DCBLD2: variants seen among roughly 807,000 people sequenced by gnomAD.
The protein encoded by DCBLD2 is discoidin, CUB and LCCL domain-containing protein 2.
DCBLD2 carries 54 observed loss-of-function variants against 86.8 expected under a neutral mutation model. The observed-to-expected ratio is 0.62, with a 90% CI of 0.50 to 0.78. The LOEUF (loss-of-function observed/expected upper bound fraction) is 0.78. DCBLD2 is among the 30% of genes least tolerant of loss of function. The pLI, the probability that DCBLD2 is intolerant of heterozygous loss-of-function variation, is 0.00. For synonymous variants in DCBLD2, 354 were observed against 341.3 expected (o/e 1.04, Z -0.41); for missense variants, 908 against 954.2 (o/e 0.95, Z 0.64).
chr3:98,860,902 A>G (rs941663624), intron 2 of DCBLD2, among the ~76,000 whole-genome samples: 1 of 152,218 alleles, frequency 6.6e-6, no homozygotes, highest in Non-Finnish European at 1.5e-5. Context: ...AATGGGCTAA[A>G]TGCTCCAATT....
intron 2 of DCBLD2, among the ~76,000 whole-genome samples, chr3:98,854,984 A>C (rs1160269741): frequency 6.6e-6 from 1 of 152,180 alleles, no homozygotes; most frequent in Non-Finnish European, 1.5e-5. Context: ...ACTAACCATA[A>C]AATAATTAGT....
At chr3:98,824,331 C>T (rs553207811) in intron 4 of DCBLD2, among the ~76,000 whole-genome samples, 8 of 152,016 alleles carry the variant, frequency 5.3e-5, no homozygotes, top group South Asian at 4.2e-4. Context: ...ACAGCAGCCC[C>T]GGACAGGGAT....
chr3:98,812,183 AT>A (rs59193460), intron 10 of DCBLD2, 148 bp downstream of exon 10: 279 of 1,116,826 alleles, frequency 2.5e-4, no homozygotes, highest in South Asian at 3.4e-4. Flanking sequence ...TAGGGTAACC[AT>A]TTTTTTTAAC....
Position 98,886,800 on chromosome 3 carries a change from ACCCCC to A in DCBLD2, c.206-5038_206-5034del, listed in dbSNP as rs56817910. ...CAAATTTTGATATTATTACAGGAAA[ACCCCC>A]CCCCTTTTTTTTTTTTTTTTACTAC... On this transcript the variant is annotated intron_variant, in intron 1 of 15. Coordinates refer to ENST00000326840, the MANE Select transcript of DCBLD2 (RefSeq NM_080927.4). 6.5e-5 allele frequency among the ~76,000 whole-genome samples: 8 copies of A among 123,712 alleles called. 1 individual carries two copies. The highest frequency in any genetic ancestry group is 5.7e-5 in the African/African-American group (2 of 34,964). 81.2% of individuals were successfully genotyped at this position (123,712 alleles called of 152,430 possible).
intron 3 of DCBLD2, among the ~76,000 whole-genome samples, chr3:98,849,000 T>C (rs1464208486): frequency 6.6e-6 from 1 of 151,964 alleles, no homozygotes; most frequent in Non-Finnish European, 1.5e-5. Context: ...AGAAACCCCA[T>C]CTCTACTAAA....
chr3:98,900,290 T>C (rs902176242), intron 1 of DCBLD2, among the ~76,000 whole-genome samples: 1 of 152,112 alleles, frequency 6.6e-6, no homozygotes, highest in Non-Finnish European at 1.5e-5. Context: ...TGCAATAAAA[T>C]GGAAAATGCA....
intron 2 of DCBLD2, among the ~76,000 whole-genome samples, chr3:98,877,374 G>C (rs1443094690): frequency 6.6e-6 from 1 of 152,114 alleles, no homozygotes; most frequent in Admixed American, 6.6e-5. Context: ...TTCAGTTCGA[G>C]TCATGGGTTA....
chr3:98,830,321 G>A (rs144177263), intron 3 of DCBLD2, among the ~76,000 whole-genome samples: 94 of 152,250 alleles, frequency 6.2e-4, no homozygotes, highest in African/African-American at 2.1e-3. Flanking sequence ...CAGTTCCTAT[G>A]ACAGAATGCT....
Position 98,849,607 on chromosome 3 carries a change from GA to G in DCBLD2, c.434-10del. ...CAGACCACAGTATTTGCCTAGGAATGAAAGAAAAGCAGATTATTTGGGATGA... is the reference window on the plus strand; with the variant it reads ...CAGACCACAGTATTTGCCTAGGAATGAAGAAAAGCAGATTATTTGGGATGA... On this transcript the variant is annotated splice_polypyrimidine_tract_variant and intron_variant, in intron 2 of 15. Coordinates refer to ENST00000326840, the MANE Select transcript of DCBLD2 (RefSeq NM_080927.4). 6.2e-7 allele frequency: 1 copy of G among 1,602,780 alleles called. No individual in the cohort carries two copies. Among genetic ancestry groups the G allele is most frequent in the African/African-American group, 1.3e-5 (1 of 74,806 alleles).
intron 1 of DCBLD2, among the ~76,000 whole-genome samples, chr3:98,894,896 T>G (rs1034822895): frequency 6.6e-6 from 1 of 152,048 alleles, no homozygotes; most frequent in Non-Finnish European, 1.5e-5. Flanking sequence ...CTGGCAGGAA[T>G]AAATACTTAG....
chr3:98,819,141 T>C, intron 8 of DCBLD2, 61 bp downstream of exon 8: 2 of 1,440,890 alleles, frequency 1.4e-6, no homozygotes, highest in East Asian at 2.5e-5. Context: ...TCTTAGATGT[T>C]ACTAGTTTTT....
intron 2 of DCBLD2, among the ~76,000 whole-genome samples, chr3:98,870,053 G>A (rs79970389): frequency 0.04 from 6,048 of 152,258 alleles, 362 homozygotes; most frequent in African/African-American, 0.14. Context: ...TGCCACTGGT[G>A]AGTATTCTCA....
At chr3:98,831,587 T>C (rs1942323874) in intron 3 of DCBLD2, among the ~76,000 whole-genome samples, 1 of 152,212 alleles carries the variant, frequency 6.6e-6, no homozygotes, top group East Asian at 1.9e-4. Context: ...TGTGGGCATT[T>C]AGTGCTATAA....
intron 2 of DCBLD2, among the ~76,000 whole-genome samples, chr3:98,861,086 T>A (rs1943034927): frequency 1.3e-5 from 2 of 152,194 alleles, no homozygotes; most frequent in Admixed American, 1.3e-4. Flanking sequence ...TAGTCTCTGA[T>A]AAAACAGACT....
At chr3:98,837,765 G>A (rs867243103) in intron 3 of DCBLD2, among the ~76,000 whole-genome samples, 3,648 of 51,174 alleles carry the variant, frequency 0.071, no homozygotes, top group Non-Finnish European at 0.12. Context: ...CAGTAGGGGC[G>A]GCCGGGCAGA....
chr3:98,839,570 G>C (rs896491292), intron 3 of DCBLD2, among the ~76,000 whole-genome samples: 1 of 152,172 alleles, frequency 6.6e-6, no homozygotes, highest in Non-Finnish European at 1.5e-5. Context: ...TGTATTGATG[G>C]GTGAAATAAA....
In DCBLD2 at chr3:98,804,154, C is replaced by T. The variant is rs149209065; in HGVS notation, c.1671-2505G>A. 5.3e-4 allele frequency among the ~76,000 whole-genome samples: 80 copies of T among 152,252 alleles called. 1 individual carries two copies. In the East Asian group the frequency reaches 0.013, roughly 24 times the overall value. ...TCCTCCTTGTACCTCTGGTAGAATTCGGCTATGAATCCGTCTGGTCCTGGA... is the reference window on the plus strand; with the variant it reads ...TCCTCCTTGTACCTCTGGTAGAATTTGGCTATGAATCCGTCTGGTCCTGGA... On this transcript the variant is annotated intron_variant, in intron 13 of 15. Transcript: ENST00000326840.
chr3:98,885,993 G>C lies in DCBLD2; in HGVS notation c.206-4226C>G, dbSNP rs141728141. Among the ~76,000 whole-genome samples the C allele has an allele frequency of 4.3e-3, 648 of 151,840 alleles. 3 individuals carry two copies. Among genetic ancestry groups the C allele is most frequent in the African/African-American group, 0.014 (587 of 41,434 alleles). Reference sequence around the variant, plus strand: ...GAATGATCAACCTTAAAAGTGAATAGTGCTGAGGTTAAGTGCTGACTTAGA... The same window carrying C: ...GAATGATCAACCTTAAAAGTGAATACTGCTGAGGTTAAGTGCTGACTTAGA... On this transcript the variant is annotated intron_variant, in intron 1 of 15. Transcript: ENST00000326840.
intron 3 of DCBLD2, among the ~76,000 whole-genome samples, chr3:98,845,441 CTACAGTCTT>C (rs1479332418): frequency 6.6e-6 from 1 of 152,156 alleles, no homozygotes; most frequent in Non-Finnish European, 1.5e-5. Flanking sequence ...ATGTCTGACT[CTACAGTCTT>C]TACAAACTGG....
Sources: allele counts gnomAD v4.1 joint callset (sites outside exome capture counted in the v4.1 genomes callset), GRCh38; gene constraint gnomAD v4.1.1; transcripts MANE v1.5; gene names NCBI Gene and HGNC (gene_info 2026-07-23, HGNC 2026-07-21).